The following CNTNAP5 variants were observed in gnomAD, a reference collection of about 807,000 sequenced individuals.
The protein encoded by CNTNAP5 is contactin associated protein family member 5, also known as contactin-associated protein-like 5.
In CNTNAP5, 72 loss-of-function variants were observed where a neutral mutation model predicts 150.2. That is an observed-to-expected ratio of 0.48 (90% CI 0.40 to 0.58). The LOEUF is 0.58. Ranked by LOEUF, CNTNAP5 falls within the 20% of genes least tolerant of loss-of-function variation. CNTNAP5 has a pLI of 0.00. For synonymous variants in CNTNAP5, 672 were observed against 619.8 expected (o/e 1.08, Z -1.25); for missense variants, 1,636 against 1,626.2 (o/e 1.01, Z -0.10).
chr2:124,421,052 C>T (rs1692092265), intron 4 of CNTNAP5, among the ~76,000 whole-genome samples: 1 of 152,150 alleles, frequency 6.6e-6, no homozygotes. Context: ...CCTCGTTTTT[C>T]CTCCTATCTC....
At chr2:124,218,217 T>A (rs1289405782) in intron 1 of CNTNAP5, among the ~76,000 whole-genome samples, 1 of 152,180 alleles carries the variant, frequency 6.6e-6, no homozygotes, top group African/African-American at 2.4e-5. Flanking sequence ...GGCGACAACC[T>A]TGAGCAGTAG....
At chr2:124,521,243 G>T (rs576178718) in intron 8 of CNTNAP5, among the ~76,000 whole-genome samples, 3 of 152,226 alleles carry the variant, frequency 2.0e-5, no homozygotes, top group African/African-American at 2.4e-5. Context: ...ATTTTCAAAA[G>T]CTCCCCAGGC....
At chr2:124,166,044 A>G (rs963280739) in intron 1 of CNTNAP5, among the ~76,000 whole-genome samples, 1 of 152,180 alleles carries the variant, frequency 6.6e-6, no homozygotes, top group African/African-American at 2.4e-5. Context: ...AAGACAGAAT[A>G]TCATCTAGAC....
intron 13 of CNTNAP5, among the ~76,000 whole-genome samples, chr2:124,654,149 G>C (rs1353750017): frequency 6.6e-6 from 1 of 152,272 alleles, no homozygotes; most frequent in South Asian, 2.1e-4. Context: ...CAAAAGGCCA[G>C]TGTGGCTAGA....
chr2:124,253,913 G>T (rs770105019), intron 3 of CNTNAP5, among the ~76,000 whole-genome samples: 1 of 151,854 alleles, frequency 6.6e-6, no homozygotes, highest in African/African-American at 2.4e-5. Flanking sequence ...TTTCATTTGA[G>T]TCTCTTTTAA....
intron 13 of CNTNAP5, among the ~76,000 whole-genome samples, chr2:124,727,901 T>A (rs34543476): frequency 0.47 from 71,257 of 151,464 alleles, 17,254 homozygotes; most frequent in Non-Finnish European, 0.53. Flanking sequence ...TAGAGGAAAA[T>A]CTTTCAACTT....
intron 14 of CNTNAP5, among the ~76,000 whole-genome samples, chr2:124,754,639 C>T (rs1234088096): frequency 1.3e-5 from 2 of 152,254 alleles, no homozygotes; most frequent in East Asian, 3.9e-4. Context: ...TCTGGAGTAA[C>T]TTGATACTGG....
intron 3 of CNTNAP5, among the ~76,000 whole-genome samples, chr2:124,378,173 T>C (rs1192411369): frequency 6.6e-6 from 1 of 152,046 alleles, no homozygotes; most frequent in Non-Finnish European, 1.5e-5. Flanking sequence ...ACAAAACCTC[T>C]TCATCCTTTA....
chr2:124,278,750 C>G (rs1687947462), intron 3 of CNTNAP5, among the ~76,000 whole-genome samples: 1 of 152,126 alleles, frequency 6.6e-6, no homozygotes, highest in Admixed American at 6.6e-5. Flanking sequence ...ACATTGGTTT[C>G]TAGCCTTTGA....
chr2:124,204,803 C>A (rs1685822173), intron 1 of CNTNAP5, among the ~76,000 whole-genome samples: 1 of 151,884 alleles, frequency 6.6e-6, no homozygotes, highest in African/African-American at 2.4e-5. Context: ...CCCACAGGTT[C>A]CTGATTATGG....
At chr2:124,779,905 A>G (rs1681414583) in intron 17 of CNTNAP5, among the ~76,000 whole-genome samples, 1 of 152,028 alleles carries the variant, frequency 6.6e-6, no homozygotes. Context: ...TGATTGTTTC[A>G]TCTCCCCTTT....
intron 12 of CNTNAP5, among the ~76,000 whole-genome samples, chr2:124,613,653 C>G (rs1355489590): frequency 6.6e-6 from 1 of 152,096 alleles, no homozygotes; most frequent in Non-Finnish European, 1.5e-5. Context: ...TACAGTGCAC[C>G]CTGGGGAACG....
intron 21 of CNTNAP5, among the ~76,000 whole-genome samples, chr2:124,889,437 G>A (rs1039716717): frequency 2.0e-5 from 3 of 152,018 alleles, no homozygotes; most frequent in Non-Finnish European, 4.4e-5. Flanking sequence ...TGTATATTGT[G>A]AAAGGTAGGG....
intron 8 of CNTNAP5, among the ~76,000 whole-genome samples, chr2:124,506,026 G>A (rs918741446): frequency 6.6e-6 from 1 of 152,102 alleles, no homozygotes; most frequent in African/African-American, 2.4e-5. Flanking sequence ...TAAAGGATAT[G>A]ACTTAATAGT....
chr2:124,653,509 A>G (rs150859267), intron 13 of CNTNAP5, among the ~76,000 whole-genome samples: 250 of 152,186 alleles, frequency 1.6e-3, no homozygotes, highest in African/African-American at 5.7e-3. Flanking sequence ...AATGCTATAT[A>G]CATTCATCAC....
chr2:124,421,660 A>G (rs1692106586), intron 4 of CNTNAP5, among the ~76,000 whole-genome samples: 1 of 152,238 alleles, frequency 6.6e-6, no homozygotes, highest in African/African-American at 2.4e-5. Flanking sequence ...TTTATAAAGA[A>G]GGAATGAAAG....
chr2:124,517,546 TGTA>T (rs1694751364), intron 8 of CNTNAP5, among the ~76,000 whole-genome samples: 1 of 147,870 alleles, frequency 6.8e-6, no homozygotes, highest in East Asian at 2.0e-4. Context: ...GATGGAGGGT[TGTA>T]GTGTTGGTGA....
chr2:124,616,893 A>G (rs1444486766), intron 12 of CNTNAP5, among the ~76,000 whole-genome samples: 1 of 152,130 alleles, frequency 6.6e-6, no homozygotes, highest in Non-Finnish European at 1.5e-5. Context: ...AATTAAGTTC[A>G]TTGCCTTATA....
chr2:124,089,311 G>A (rs74643937), intron 1 of CNTNAP5, among the ~76,000 whole-genome samples: 11,884 of 151,120 alleles, frequency 0.079, 567 homozygotes, highest in South Asian at 0.16. Flanking sequence ...AAAATATTTC[G>A]TTGGACTACT....
Sources: allele counts gnomAD v4.1 joint callset (sites outside exome capture counted in the v4.1 genomes callset), GRCh38; gene constraint gnomAD v4.1.1; transcripts MANE v1.5; gene names NCBI Gene and HGNC (gene_info 2026-07-23, HGNC 2026-07-21).